MTRF1: variants seen among roughly 807,000 people sequenced by gnomAD.
The protein encoded by MTRF1 is mitochondrial translation release factor 1, also known as peptide chain release factor 1, mitochondrial.
In MTRF1, 51 loss-of-function variants were observed where a neutral mutation model predicts 62.9. The observed-to-expected ratio is 0.81, with a 90% CI of 0.65 to 1.02. MTRF1 has a LOEUF of 1.02. Among genes scored for constraint, MTRF1 ranks in the 50% least tolerant of loss-of-function variants. MTRF1 has a pLI of 0.00. For synonymous variants in MTRF1, 158 were observed against 181.9 expected (o/e 0.87, Z 1.06); for missense variants, 446 against 530.0 (o/e 0.84, Z 1.56).
At chr13:41,304,129 G>A in the MTRF1 span, among the ~76,000 whole-genome samples, 1 of 152,150 alleles carries the variant, frequency 6.6e-6, no homozygotes, top group Non-Finnish European at 1.5e-5. Context: ...AGCTCTTTCT[G>A]GTAACATAAG....
In MTRF1 at chr13:41,260,861, T is replaced by C. The variant is rs545515983; in HGVS notation, c.47A>G (p.Asn16Ser). The C allele has an allele frequency of 1.5e-4, 244 of 1,611,968 alleles. No homozygotes were observed. In the South Asian group the frequency reaches 2.4e-3, roughly 16 times the overall value. Residue 16 changes from asparagine (N) to serine (S), a missense_variant, in exon 2 of 10, where the codon AAT (asparagine) becomes AGT (serine). Physicochemically the swap from Asn to Ser is conservative, Grantham distance 46. Transcript: ENST00000379480. ...CVWLFRHPSLNGYLQCHIQLH... is the reference protein window; with the variant it reads ...CVWLFRHPSLSGYLQCHIQLH... ...CTGGATGTGACACTGGAGGTAACCA[T>C]TAAGAGATGGATGTCTAAAAAGCCA...
chr13:41,271,384 G>C, the MTRF1 span, among the ~76,000 whole-genome samples: 1 of 152,112 alleles, frequency 6.6e-6, no homozygotes, highest in Non-Finnish European at 1.5e-5. Context: ...GCTCAAAAGG[G>C]GGTCATTCTC....
At chr13:41,279,606 T>C in the MTRF1 span, among the ~76,000 whole-genome samples, 1 of 152,146 alleles carries the variant, frequency 6.6e-6, no homozygotes, top group African/African-American at 2.4e-5. Context: ...TCTCATCAGA[T>C]GGGTTTTATT....
At chr13:41,311,719 C>G in the MTRF1 span, 5 of 768,296 alleles carry the variant, frequency 6.5e-6, no homozygotes, top group Non-Finnish European at 1.0e-5. Context: ...TCGGAGGTCG[C>G]GGGACCCCAC....
chr13:41,219,773 C>G (rs973501393), intron 9 of MTRF1, among the ~76,000 whole-genome samples: 9 of 151,524 alleles, frequency 5.9e-5, no homozygotes, highest in Admixed American at 2.0e-4. Context: ...CCAAGACAGG[C>G]AGATCACTTG....
intron 4 of MTRF1, 58 bp downstream of exon 4, chr13:41,252,891 A>G: frequency 3.5e-6 from 5 of 1,410,434 alleles, no homozygotes; most frequent in Non-Finnish European, 4.9e-6. Flanking sequence ...GTGTTATCAA[A>G]TAAGGTAAAA....
At chr13:41,225,329 C>T (rs988564164) in intron 8 of MTRF1, among the ~76,000 whole-genome samples, 15 of 151,842 alleles carry the variant, frequency 9.9e-5, no homozygotes, top group African/African-American at 3.4e-4. Flanking sequence ...GTGGTTATCA[C>T]TTATTTGCCA....
At chr13:41,296,425 T>C in the MTRF1 span, among the ~76,000 whole-genome samples, 1 of 152,218 alleles carries the variant, frequency 6.6e-6, no homozygotes, top group African/African-American at 2.4e-5. Flanking sequence ...CTTTGGCAGA[T>C]TTCACTAAGA....
chr13:41,220,923 G>T (rs971505125), intron 9 of MTRF1, among the ~76,000 whole-genome samples: 29 of 152,100 alleles, frequency 1.9e-4, no homozygotes, highest in Non-Finnish European at 3.8e-4. Flanking sequence ...ATCCACTTTT[G>T]TCCTGGGTCA....
the MTRF1 span, among the ~76,000 whole-genome samples, chr13:41,285,727 A>C: frequency 6.6e-6 from 1 of 152,116 alleles, no homozygotes; most frequent in African/African-American, 2.4e-5. Flanking sequence ...GGGGAGAGAC[A>C]ACCTTTTCCT....
chr13:41,260,768 T>C lies in MTRF1; in HGVS notation c.140A>G (p.Asn47Ser), dbSNP rs1415675195. The C allele has an allele frequency of 1.9e-6, 3 of 1,614,220 alleles. No homozygotes were observed. The South Asian group carries it at 3.3e-5, about 18-fold the overall frequency. ...TRLQVFRQNR[N>S]CILHLLSKNW... ...CTTACTTAACAGATGAAGAATGCAA[T>C]TCCTGTTTTGTCTAAAAACTTGCAG... Residue 47 changes from asparagine (N) to serine (S), a missense_variant, in exon 2 of 10, where the codon AAT becomes AGT. By Grantham distance (46) the Asn-to-Ser change is conservative (BLOSUM62 1). Transcript: ENST00000379480.
chr13:41,285,922 G>A, the MTRF1 span, among the ~76,000 whole-genome samples: 1 of 151,896 alleles, frequency 6.6e-6, no homozygotes, highest in African/African-American at 2.4e-5. Context: ...AAATTAGCCA[G>A]GAGTGGTGGC....
chr13:41,253,752 AGACT>A lies in MTRF1; in HGVS notation c.508-726_508-723del, dbSNP rs1325070436. 7.9e-5 allele frequency among the ~76,000 whole-genome samples: 12 copies of A among 152,368 alleles called. No homozygotes were observed. In the East Asian group the frequency reaches 2.3e-3, roughly 29 times the overall value. On this transcript the variant is annotated intron_variant, in intron 3 of 9. Coordinates refer to ENST00000379480, the MANE Select transcript of MTRF1 (RefSeq NM_004294.4). ...TAGTCTATGGGAGAGAATATGAGACAGACTGAGAGTCAGACATCTTCTGCCTTTG... is the reference window on the plus strand; with the variant it reads ...TAGTCTATGGGAGAGAATATGAGACAGAGAGTCAGACATCTTCTGCCTTTG...
At chr13:41,223,408 C>T in intron 8 of MTRF1, 54 bp from the exon 9 acceptor site, 3 of 1,439,114 alleles carry the variant, frequency 2.1e-6, no homozygotes, top group Non-Finnish European at 2.9e-6. Context: ...GTCTTCATTA[C>T]AATGGAAAAA....
chr13:41,309,956 A>G, the MTRF1 span, among the ~76,000 whole-genome samples: 1 of 152,200 alleles, frequency 6.6e-6, no homozygotes, highest in Admixed American at 6.5e-5. Flanking sequence ...AGATAGCGCC[A>G]TTGCATTCCA....
chr13:41,267,210 G>A (rs2040851279), upstream of MTRF1, among the ~76,000 whole-genome samples: 1 of 151,902 alleles, frequency 6.6e-6, no homozygotes, highest in Non-Finnish European at 1.5e-5. Flanking sequence ...TAGCCCTGAG[G>A]AGTTTCACAC....
At chr13:41,227,989 T>C (rs184643299) in intron 7 of MTRF1, among the ~76,000 whole-genome samples, 57 of 152,342 alleles carry the variant, frequency 3.7e-4, no homozygotes, top group African/African-American at 1.3e-3. Flanking sequence ...CCCAAAAGAA[T>C]ATGAACATTT....
chr13:41,233,895 G>C lies in MTRF1; in HGVS notation c.983C>G (p.Pro328Arg). ...TDSAVRLVHI[P>R]TGLVVECQQE... Reference sequence around the variant, plus strand: ...AAGCCAAGGGGCTTGCTTACCTGTGGGGATGTGGACAAGTCTGACGGCACT... The same window carrying C: ...AAGCCAAGGGGCTTGCTTACCTGTGCGGATGTGGACAAGTCTGACGGCACT... The change falls in exon 7 of 10, where the codon CCC becomes CGC. Residue 328 changes from proline to arginine, a missense_variant. Transcript: ENST00000379480. 1.2e-6 allele frequency: 2 copies of C among 1,611,066 alleles called. No homozygotes were observed. The highest frequency in any genetic ancestry group is 1.7e-6 in the Non-Finnish European group (2 of 1,177,200).
the MTRF1 span, among the ~76,000 whole-genome samples, chr13:41,311,829 T>C: frequency 1.3e-5 from 2 of 152,164 alleles, no homozygotes; most frequent in Non-Finnish European, 2.9e-5. Flanking sequence ...CCGCGCTCTT[T>C]CCAGAAACTT....
Sources: allele counts gnomAD v4.1 joint callset (sites outside exome capture counted in the v4.1 genomes callset), GRCh38; gene constraint gnomAD v4.1.1; transcripts MANE v1.5; gene names NCBI Gene and HGNC (gene_info 2026-07-23, HGNC 2026-07-21).